GRM7: variants seen among roughly 807,000 people sequenced by gnomAD.
The protein encoded by GRM7 is glutamate metabotropic receptor 7.
Under a neutral mutation model 84.5 loss-of-function variants are expected in GRM7, and 35 were observed. The observed-to-expected ratio is 0.41, with a 90% confidence interval of 0.32 to 0.55. GRM7 has a LOEUF of 0.55. Among genes scored for constraint, GRM7 ranks in the 20% least tolerant of loss-of-function variants. The probability of loss-of-function intolerance (pLI) is 0.19; values close to 1 mark genes in which losing one functional copy is unlikely to be tolerated. For synonymous variants in GRM7, 487 were observed against 455.1 expected, an observed-to-expected ratio of 1.07 and a Z score of -0.89; for missense variants, 1,003 against 1,194.6, an observed-to-expected ratio of 0.84 and a Z score of 2.36.
chr3:7,241,211 T>C (rs946405491), intron 2 of GRM7, among the ~76,000 whole-genome samples: 2 of 152,156 alleles, frequency 1.3e-5, no homozygotes, highest in Non-Finnish European at 2.9e-5. Context: ...GGATAGAACA[T>C]AACTTCCTTT....
chr3:7,420,890 A>G (rs1696364737), intron 5 of GRM7, among the ~76,000 whole-genome samples: 1 of 152,180 alleles, frequency 6.6e-6, no homozygotes, highest in Non-Finnish European at 1.5e-5. Flanking sequence ...ATGGAATACC[A>G]ATTAATATAG....
rs562688593 is a variant in GRM7, at chr3:7,154,046, C to T, written c.736+7378C>T. ...AGTCCAAAATAAAATTGCTTGATAG[C>T]GTTTAAATACTTGAATGTTGCAAGA... On this transcript the variant is annotated intron_variant, in intron 2 of 9. Transcript: ENST00000357716. Among the ~76,000 whole-genome samples the T allele has an allele frequency of 8.5e-5, 13 of 152,232 alleles. No individual in the cohort carries two copies. In the East Asian group the frequency reaches 1.4e-3, roughly 16 times the overall value.
At chr3:7,223,144 T>C (rs1696866561) in intron 2 of GRM7, among the ~76,000 whole-genome samples, 1 of 152,182 alleles carries the variant, frequency 6.6e-6, no homozygotes, top group South Asian at 2.1e-4. Context: ...GCCAATTATT[T>C]AGTAAGATCT....
intron 7 of GRM7, among the ~76,000 whole-genome samples, chr3:7,497,246 C>CAAGGCCAA (rs1319127867): frequency 6.6e-6 from 1 of 152,030 alleles, no homozygotes; most frequent in Non-Finnish European, 1.5e-5. Flanking sequence ...CAATTTATGT[C>CAAGGCCAA]ATCTCAATAA....
intron 2 of GRM7, among the ~76,000 whole-genome samples, chr3:7,228,499 C>T (rs534648779): frequency 1.3e-5 from 2 of 152,104 alleles, no homozygotes; most frequent in Admixed American, 6.5e-5. Context: ...GCTTAAGGAA[C>T]CTTTGAGAAT....
chr3:7,700,577 T>A (rs1701190978), intron 9 of GRM7, among the ~76,000 whole-genome samples: 1 of 152,190 alleles, frequency 6.6e-6, no homozygotes, highest in Admixed American at 6.5e-5. Context: ...GTAAATAGAT[T>A]TAGTCATAAA....
intron 1 of GRM7, among the ~76,000 whole-genome samples, chr3:6,931,559 G>T (rs1559335815): frequency 6.6e-6 from 1 of 152,140 alleles, no homozygotes; most frequent in East Asian, 1.9e-4. Context: ...CAGACTGGAT[G>T]CTTTGCTGAG....
At chr3:7,023,876 G>A (rs1403973069) in intron 1 of GRM7, among the ~76,000 whole-genome samples, 2 of 152,210 alleles carry the variant, frequency 1.3e-5, no homozygotes, top group Non-Finnish European at 2.9e-5. Flanking sequence ...TTCATCAGGA[G>A]AGGACTAAAC....
chr3:7,287,098 G>C (rs10510355), intron 2 of GRM7, among the ~76,000 whole-genome samples: 5,119 of 152,132 alleles, frequency 0.034, 291 homozygotes, highest in African/African-American at 0.12. Flanking sequence ...TGATCCCATA[G>C]ATAGAGATAA....
intron 1 of GRM7, among the ~76,000 whole-genome samples, chr3:6,964,571 G>C (rs974528572): frequency 6.6e-6 from 1 of 152,082 alleles, no homozygotes; most frequent in African/African-American, 2.4e-5. Context: ...TATAAACGTG[G>C]TTTAAGATTC....
At chr3:7,575,155 TA>T (rs1324727878) in intron 7 of GRM7, among the ~76,000 whole-genome samples, 1 of 152,210 alleles carries the variant, frequency 6.6e-6, no homozygotes, top group African/African-American at 2.4e-5. Context: ...GATGGAGATG[TA>T]AAGTTCTGTT....
At chr3:6,994,342 C>T (rs1037741799) in intron 1 of GRM7, among the ~76,000 whole-genome samples, 4 of 152,056 alleles carry the variant, frequency 2.6e-5, no homozygotes, top group Admixed American at 6.5e-5. Context: ...TTTGTTTCTC[C>T]GATAAAGGAA....
chr3:7,672,150 A>G (rs958859782), intron 8 of GRM7, among the ~76,000 whole-genome samples: 1 of 151,874 alleles, frequency 6.6e-6, no homozygotes, highest in Non-Finnish European at 1.5e-5. Context: ...GTATTATTTC[A>G]TACTTTAGCA....
At chr3:7,487,574 G>A (rs1699367323) in intron 7 of GRM7, among the ~76,000 whole-genome samples, 1 of 152,184 alleles carries the variant, frequency 6.6e-6, no homozygotes, top group African/African-American at 2.4e-5. Context: ...TGGCTCAAGT[G>A]GTCCCAGGTG....
At chr3:7,183,830 G>T (rs1277327711) in intron 2 of GRM7, among the ~76,000 whole-genome samples, 2 of 152,090 alleles carry the variant, frequency 1.3e-5, no homozygotes, top group Admixed American at 1.3e-4. Flanking sequence ...ACACAGTATT[G>T]TAAAACTCAA....
intron 1 of GRM7, among the ~76,000 whole-genome samples, chr3:7,025,101 G>A (rs1695931570): frequency 1.3e-5 from 2 of 152,112 alleles, no homozygotes; most frequent in Non-Finnish European, 2.9e-5. Flanking sequence ...AGCAATGGAT[G>A]GTTCATTCTT....
intron 2 of GRM7, among the ~76,000 whole-genome samples, chr3:7,267,930 A>G (rs928010565): frequency 1.3e-5 from 2 of 151,964 alleles, no homozygotes; most frequent in South Asian, 2.1e-4. Context: ...TCTGATTTCC[A>G]TGGGATAATT....
chr3:7,130,402 G>T (rs1047573787), intron 1 of GRM7, among the ~76,000 whole-genome samples: 1 of 152,004 alleles, frequency 6.6e-6, no homozygotes, highest in Non-Finnish European at 1.5e-5. Context: ...AATTAGCCAG[G>T]TGTGGTGGCA....
intron 4 of GRM7, among the ~76,000 whole-genome samples, chr3:7,399,179 CAAT>C (rs146619960): frequency 0.31 from 45,840 of 145,976 alleles, 7,329 homozygotes; most frequent in South Asian, 0.43. Flanking sequence ...ACAACAAGAA[CAAT>C]AATAATAATA....
Sources: allele counts gnomAD v4.1 joint callset (sites outside exome capture counted in the v4.1 genomes callset), GRCh38; gene constraint gnomAD v4.1.1; transcripts MANE v1.5; gene names NCBI Gene and HGNC (gene_info 2026-07-23, HGNC 2026-07-21).